The following IL1RAPL1 variants were observed in gnomAD, a reference collection of about 807,000 sequenced individuals.
The protein encoded by IL1RAPL1 is interleukin 1 receptor accessory protein like 1.
Under a neutral mutation model 48.4 loss-of-function variants are expected in IL1RAPL1, and 3 were observed. The ratio of observed to expected loss-of-function variants is 0.06; its 90% CI spans 0.03 to 0.16. The LOEUF (loss-of-function observed/expected upper bound fraction) is 0.16, where lower values mean the gene tolerates loss of function less well. Ranked by LOEUF, IL1RAPL1 falls within the 10% of genes least tolerant of loss-of-function variation. The pLI is 1.00. For missense variants in IL1RAPL1, 349 were observed against 530.6 expected, an observed-to-expected ratio of 0.66 and a Z score of 3.36; for synonymous variants, 185 against 187.7, an observed-to-expected ratio of 0.99 and a Z score of 0.12.
intron 2 of IL1RAPL1, among the ~76,000 whole-genome samples, chrX:28,811,143 G>A (rs757274900): frequency 9.1e-6 from 1 of 110,173 alleles, no homozygotes; most frequent in South Asian, 3.8e-4. Flanking sequence ...ACTCCCTTTG[G>A]TAGAGGGTTA....
chrX:28,962,939 A>G (rs1181298377), intron 2 of IL1RAPL1, among the ~76,000 whole-genome samples: 2 of 107,332 alleles, frequency 1.9e-5, no homozygotes, highest in African/African-American at 6.8e-5. Flanking sequence ...TGTTGGCTTT[A>G]TTAGCTACTA....
intron 5 of IL1RAPL1, among the ~76,000 whole-genome samples, chrX:29,403,829 T>A (rs1421399524): frequency 3.6e-5 from 4 of 112,145 alleles, no homozygotes; most frequent in African/African-American, 1.3e-4. Context: ...TATAAATGTA[T>A]AGTGAGATCA....
At chrX:28,763,475 A>G (rs1480259239) in intron 1 of IL1RAPL1, among the ~76,000 whole-genome samples, 1 of 112,223 alleles carries the variant, frequency 8.9e-6, no homozygotes, top group Non-Finnish European at 1.9e-5. Context: ...GAATACATAG[A>G]GTCACATCTT....
At chrX:29,654,846 A>G (rs1203212287) in intron 5 of IL1RAPL1, among the ~76,000 whole-genome samples, 1 of 112,429 alleles carries the variant, frequency 8.9e-6, no homozygotes, top group Non-Finnish European at 1.9e-5. Flanking sequence ...ATTTTTTTAT[A>G]AGATTTGGGC....
chrX:28,895,538 G>A (rs1922894427), intron 2 of IL1RAPL1, among the ~76,000 whole-genome samples: 1 of 110,364 alleles, frequency 9.1e-6, no homozygotes, highest in African/African-American at 3.3e-5. Flanking sequence ...AGGCGTGGCT[G>A]TAGTCCAGGA....
intron 9 of IL1RAPL1, among the ~76,000 whole-genome samples, chrX:29,950,670 C>CT (rs749918523): frequency 0.19 from 18,442 of 96,396 alleles, 1,527 homozygotes; most frequent in African/African-American, 0.22. Flanking sequence ...ATCCTAAGGC[C>CT]TTTTTTTTTT....
intron 6 of IL1RAPL1, among the ~76,000 whole-genome samples, 166 bp from the exon 7 acceptor site, chrX:29,917,298 C>T (rs1932806952): frequency 8.9e-6 from 1 of 112,664 alleles, no homozygotes; most frequent in Non-Finnish European, 1.9e-5. Flanking sequence ...GTCGAAAGCA[C>T]ACATTCTATC....
chrX:28,761,606 A>AG (rs1425780047), intron 1 of IL1RAPL1, among the ~76,000 whole-genome samples: 1 of 110,857 alleles, frequency 9.0e-6, no homozygotes, highest in African/African-American at 3.3e-5. Flanking sequence ...TAAGGGAAAG[A>AG]GCGGGGCAAG....
At chrX:29,748,703 A>C (rs1320799575) in intron 6 of IL1RAPL1, among the ~76,000 whole-genome samples, 1 of 112,645 alleles carries the variant, frequency 8.9e-6, no homozygotes, top group Non-Finnish European at 1.9e-5. Flanking sequence ...GAGTCATCTA[A>C]GAAAAGTCTG....
chrX:29,134,366 T>C (rs1929082989), intron 2 of IL1RAPL1, among the ~76,000 whole-genome samples: 1 of 111,876 alleles, frequency 8.9e-6, no homozygotes, highest in Admixed American at 9.5e-5. Context: ...GCATTTGGAG[T>C]TGTCAGTGTT....
chrX:28,815,839 G>GTATGTATATA (rs1467095474), intron 2 of IL1RAPL1, among the ~76,000 whole-genome samples: 17 of 29,103 alleles, frequency 5.8e-4, no homozygotes, highest in African/African-American at 1.5e-3. Flanking sequence ...GTGTGTTTAT[G>GTATGTATATA]TATATATATA....
At chrX:28,724,541 C>T (rs1326063555) in intron 1 of IL1RAPL1, among the ~76,000 whole-genome samples, 2 of 111,298 alleles carry the variant, frequency 1.8e-5, no homozygotes, top group Non-Finnish European at 3.8e-5. Context: ...GGTCTTGACT[C>T]TTTATCCAAT....
intron 6 of IL1RAPL1, among the ~76,000 whole-genome samples, chrX:29,686,730 T>A (rs950368150): frequency 9.2e-6 from 1 of 108,522 alleles, no homozygotes; most frequent in Non-Finnish European, 1.9e-5. Flanking sequence ...GCTAATTTTT[T>A]GTATTTTTAG....
At chrX:29,912,797 G>A (rs868313099) in intron 6 of IL1RAPL1, among the ~76,000 whole-genome samples, 8 of 112,055 alleles carry the variant, frequency 7.1e-5, no homozygotes, top group Non-Finnish European at 1.3e-4. Flanking sequence ...GCATATCCTA[G>A]TTCATTGGCC....
chrX:28,879,583 G>A (rs1922456754), intron 2 of IL1RAPL1, among the ~76,000 whole-genome samples: 1 of 111,487 alleles, frequency 9.0e-6, no homozygotes, highest in East Asian at 2.8e-4. Flanking sequence ...TGGAATAGAT[G>A]ATTGCTAAGT....
chrX:29,101,458 T>G (rs2147463826), intron 2 of IL1RAPL1, among the ~76,000 whole-genome samples: 1 of 111,409 alleles, frequency 9.0e-6, no homozygotes, highest in South Asian at 3.8e-4. Context: ...AGTCAAACTC[T>G]TCCCCAAAAT....
chrX:29,161,059 C>CAA (rs1258437211), intron 2 of IL1RAPL1, among the ~76,000 whole-genome samples: 1 of 81,935 alleles, frequency 1.2e-5, no homozygotes, highest in African/African-American at 4.5e-5. Context: ...GACTCTGTCT[C>CAA]AAAAAAAAAA....
At chrX:28,842,262 G>C (rs1430832063) in intron 2 of IL1RAPL1, among the ~76,000 whole-genome samples, 1 of 109,568 alleles carries the variant, frequency 9.1e-6, no homozygotes, top group Non-Finnish European at 1.9e-5. Context: ...AGTTGGGAGG[G>C]TATGTTACGA....
chrX:29,167,239 T>C (rs1929802935), intron 2 of IL1RAPL1, among the ~76,000 whole-genome samples: 1 of 110,398 alleles, frequency 9.1e-6, no homozygotes, highest in African/African-American at 3.3e-5. Flanking sequence ...ATTACAGGTA[T>C]ATAATTTATA....
Sources: gnomAD v4.1 joint callset for allele counts (sites outside exome capture counted in the v4.1 genomes callset) on GRCh38, gnomAD v4.1.1 for gene constraint, MANE v1.5 for transcripts, NCBI Gene and HGNC (gene_info 2026-07-23, HGNC 2026-07-21) for gene names.